GLCCI1: variants seen among roughly 807,000 people sequenced by gnomAD.
The protein encoded by GLCCI1 is glucocorticoid-induced transcript 1 protein.
GLCCI1 carries 24 observed loss-of-function variants against 52.2 expected under a neutral mutation model. The ratio of observed to expected loss-of-function variants is 0.46; its 90% confidence interval spans 0.33 to 0.65. The LOEUF (loss-of-function observed/expected upper bound fraction) is 0.65. Ranked by LOEUF, GLCCI1 falls within the 30% of genes least tolerant of loss-of-function variation. GLCCI1 has a pLI of 0.02. For synonymous variants in GLCCI1, 310 were observed against 276.5 expected, an observed-to-expected ratio of 1.12 and a Z score of -1.20; for missense variants, 704 against 701.5, an observed-to-expected ratio of 1.00 and a Z score of -0.04.
chr7:8,086,757 T>C lies in GLCCI1; in HGVS notation c.*219T>C. On this transcript the variant is annotated 3_prime_UTR_variant, in exon 8 of 8. Coordinates refer to ENST00000223145, the MANE Select transcript of GLCCI1 (RefSeq NM_138426.4). This position sits in a 1 kb window ranked among gnomAD's most constrained non-coding sequence, Gnocchi z 4.4. ...TGCAAAACGTGTGTGTCATTCAGCA[T>C]TTTAAGTGGAGACTATGCATTTCAT... 2 of 537,470 alleles carry C rather than the reference T, an allele frequency of 3.7e-6. No homozygotes were observed. Among genetic ancestry groups the C allele is most frequent in the Non-Finnish European group, 6.5e-6 (2 of 305,650 alleles). The allele number at this position is 537,470 out of a possible 1,614,324, so 33.3% of individuals were successfully genotyped here. A position where few individuals can be genotyped will look rare whatever the true frequency, so the allele number is the denominator to read the frequency against.
intron 1 of GLCCI1, among the ~76,000 whole-genome samples, chr7:8,003,226 A>G (rs543295497): frequency 6.6e-6 from 1 of 152,276 alleles, no homozygotes; most frequent in East Asian, 1.9e-4. Flanking sequence ...AGGCGAGAGG[A>G]AAGGGCATTA....
chr7:8,031,547 T>C (rs749010445), intron 3 of GLCCI1, among the ~76,000 whole-genome samples: 1 of 152,130 alleles, frequency 6.6e-6, no homozygotes, highest in Non-Finnish European at 1.5e-5. Context: ...TAAAAGGGTA[T>C]AATTGGGTTG....
chr7:8,078,753 G>A (rs1310785114), intron 6 of GLCCI1: 4 of 152,092 alleles, frequency 2.6e-5, no homozygotes, highest in African/African-American at 7.2e-5. Context: ...ATGAGGTGAG[G>A]GAGGAGGAGG....
intron 3 of GLCCI1, among the ~76,000 whole-genome samples, chr7:8,047,404 A>G (rs945898517): frequency 2.0e-5 from 3 of 152,250 alleles, no homozygotes; most frequent in African/African-American, 7.2e-5. Flanking sequence ...TGTATAAAGC[A>G]TTAAGTAGGG....
intron 5 of GLCCI1, among the ~76,000 whole-genome samples, chr7:8,063,424 G>A (rs1490664868): frequency 6.6e-6 from 1 of 151,362 alleles, no homozygotes. Context: ...AGGATTACAG[G>A]TGTGAGCCAC....
At position 8,086,833 on chromosome 7, in the gene GLCCI1, C is replaced by T. The variant is rs1253847195; in HGVS notation, c.*295C>T. 3.5e-6 allele frequency: 1 copy of T among 286,620 alleles called. No individual in the cohort carries two copies. The highest frequency in any genetic ancestry group is 2.2e-5 in the African/African-American group (1 of 45,940). 17.8% of individuals were successfully genotyped at this position (286,620 alleles called of 1,614,324 possible). On this transcript the variant is annotated 3_prime_UTR_variant, in exon 8 of 8. Transcript: ENST00000223145. The surrounding 1 kb of genome is among the most constrained non-coding windows in gnomAD (Gnocchi z 4.4). The stretch of plus-strand genomic sequence containing the variant: ...GTCCTGTGTTTTGTTCCAGATTCTT[C>T]AGTATAAATAAGCTCTATATCAAAA...
chr7:8,003,384 C>T (rs185089879), intron 1 of GLCCI1, among the ~76,000 whole-genome samples: 25 of 152,150 alleles, frequency 1.6e-4, no homozygotes, highest in African/African-American at 5.5e-4. Context: ...AAAACACAGG[C>T]CATTCATGTG....
intron 2 of GLCCI1, among the ~76,000 whole-genome samples, chr7:8,016,165 A>G (rs1781372861): frequency 6.6e-6 from 1 of 152,218 alleles, no homozygotes; most frequent in Non-Finnish European, 1.5e-5. Flanking sequence ...CGTTAGAGAC[A>G]TTATGCCTTA....
intron 3 of GLCCI1, among the ~76,000 whole-genome samples, chr7:8,027,993 AC>A (rs1781659436): frequency 6.6e-6 from 1 of 152,192 alleles, no homozygotes; most frequent in Admixed American, 6.5e-5. Flanking sequence ...AGGAAGATAG[AC>A]CCCAATACAA....
chr7:8,017,993 G>T lies in GLCCI1; in HGVS notation c.610-4490G>T, dbSNP rs143865974. On this transcript the variant is annotated intron_variant, in intron 2 of 7. Coordinates refer to ENST00000223145, the MANE Select transcript of GLCCI1 (RefSeq NM_138426.4). ...TTTTTGTAAACAAAAACAAATATTT[G>T]TAAATAATGGTTTGTCATTACCTAT... 2.2e-3 allele frequency among the ~76,000 whole-genome samples: 331 copies of T among 152,194 alleles called. 2 individuals are homozygous for T. The highest frequency in any genetic ancestry group is 7.6e-3 in the African/African-American group (314 of 41,544).
rs1287306348 is a variant in GLCCI1, at chr7:8,037,465, T to A, written c.696+14896T>A. Among the ~76,000 whole-genome samples, 4 of 152,116 alleles carry A rather than the reference T, an allele frequency of 2.6e-5. No homozygotes were observed. In the East Asian group the frequency reaches 7.7e-4, roughly 29 times the overall value. ...CACATGAAAGGATAAAACTCACAGA[T>A]CTTATAAAACAGTTCCACAACTGAG... On this transcript the variant is annotated intron_variant, in intron 3 of 7. Coordinates refer to ENST00000223145, the MANE Select transcript of GLCCI1 (RefSeq NM_138426.4).
intron 3 of GLCCI1, among the ~76,000 whole-genome samples, chr7:8,026,349 CA>C (rs1243647375): frequency 6.6e-6 from 1 of 151,956 alleles, no homozygotes. Flanking sequence ...AATAGGTAAA[CA>C]AAAAAAGTTG....
intron 3 of GLCCI1, among the ~76,000 whole-genome samples, chr7:8,038,829 C>T (rs1375475482): frequency 1.3e-5 from 2 of 152,070 alleles, no homozygotes; most frequent in African/African-American, 4.8e-5. Flanking sequence ...AGACTACCTA[C>T]AGAATGCAAG....
chr7:8,042,548 C>T (rs966806478), intron 3 of GLCCI1, among the ~76,000 whole-genome samples: 1 of 152,192 alleles, frequency 6.6e-6, no homozygotes, highest in Non-Finnish European at 1.5e-5. Context: ...TGCAGTGGCT[C>T]ATGCCTATAA....
At chr7:8,038,128 C>T (rs949213330) in intron 3 of GLCCI1, among the ~76,000 whole-genome samples, 5 of 152,174 alleles carry the variant, frequency 3.3e-5, no homozygotes, top group African/African-American at 9.7e-5. Flanking sequence ...AATGAAGTCA[C>T]TGATGACAAA....
chr7:7,986,486 C>T (rs891774503), intron 1 of GLCCI1, among the ~76,000 whole-genome samples: 3 of 151,758 alleles, frequency 2.0e-5, no homozygotes, highest in African/African-American at 7.3e-5. Context: ...GATCACACCA[C>T]TGCACTCCAG....
chr7:8,080,202 C>A (rs1378499387), intron 6 of GLCCI1, among the ~76,000 whole-genome samples: 1 of 151,488 alleles, frequency 6.6e-6, no homozygotes, highest in African/African-American at 2.5e-5. Context: ...TTGATAATTT[C>A]ATTTCCTGAA....
rs1158297441 is a variant in GLCCI1 at position 7,969,005 on chromosome 7, C to G, written c.-346C>G. 6.3e-6 allele frequency: 1 copy of G among 158,884 alleles called. No homozygotes were observed. 9.8% of individuals were successfully genotyped at this position (158,884 alleles called of 1,614,324 possible). On this transcript the variant is annotated 5_prime_UTR_variant, in exon 1 of 8. Coordinates refer to ENST00000223145, the MANE Select transcript of GLCCI1 (RefSeq NM_138426.4). This position sits in a 1 kb window ranked among gnomAD's most constrained non-coding sequence, Gnocchi z 4.9. The stretch of plus-strand genomic sequence containing the variant: ...TGAGGAGAAGGCTGCGAGCGGCCCT[C>G]GGGGCTGCGTGATCCGGGCCGTTGC...
chr7:8,070,844 A>G (rs1782745385), intron 5 of GLCCI1, 77 bp from the exon 6 acceptor site: 2 of 1,298,620 alleles, frequency 1.5e-6, no homozygotes, highest in Non-Finnish European at 2.2e-6. Context: ...TATGAAATCA[A>G]GGGAAATACT....
Sources: gnomAD v4.1 joint callset for allele counts (sites outside exome capture counted in the v4.1 genomes callset) on GRCh38, gnomAD v4.1.1 for gene constraint, Gnocchi (gnomAD v3.1) non-coding constraint, MANE v1.5 for transcripts, NCBI Gene and HGNC (gene_info 2026-07-23, HGNC 2026-07-21) for gene names.